Variants in BAZ2B observed in about 807,000 individuals in gnomAD.
BAZ2B encodes the protein bromodomain adjacent to zinc finger domain protein 2B.
In BAZ2B, 91 loss-of-function variants were observed where a neutral mutation model predicts 246.0. The observed-to-expected ratio is 0.37, with a 90% CI of 0.31 to 0.44. BAZ2B has a LOEUF of 0.44. BAZ2B is among the 20% of genes least tolerant of loss of function. BAZ2B has a pLI of 1.00. For missense variants in BAZ2B, 2,332 were observed against 2,533.7 expected (o/e 0.92, Z 1.71); for synonymous variants, 855 against 860.0 (o/e 0.99, Z 0.10).
chr2:159,455,762 GGTTTTTTTTT>G (rs1159426808), intron 3 of BAZ2B, among the ~76,000 whole-genome samples: 18 of 97,124 alleles, frequency 1.9e-4, no homozygotes, highest in Non-Finnish European at 2.4e-4. Context: ...GAAATATTGT[GGTTTTTTTTT>G]TTTTTTTTTT....
chr2:159,544,653 T>A (rs898119284), intron 2 of BAZ2B, among the ~76,000 whole-genome samples: 4 of 152,080 alleles, frequency 2.6e-5, no homozygotes, highest in Non-Finnish European at 4.4e-5. Context: ...CAGATAAAGA[T>A]CAAATGTTGG....
At chr2:159,596,655 G>A (rs1372783463) in intron 1 of BAZ2B, among the ~76,000 whole-genome samples, 5 of 152,130 alleles carry the variant, frequency 3.3e-5, no homozygotes, top group Admixed American at 2.6e-4. Flanking sequence ...CATACAATTT[G>A]TAATCTTTTA....
intron 30 of BAZ2B, among the ~76,000 whole-genome samples, chr2:159,348,225 C>A (rs2058168087): frequency 6.9e-6 from 1 of 144,496 alleles, no homozygotes. Context: ...AAGGCTGAGG[C>A]AGGAAGATTG....
the BAZ2B span, among the ~76,000 whole-genome samples, chr2:159,653,786 T>C: frequency 6.6e-6 from 1 of 152,158 alleles, no homozygotes; most frequent in Non-Finnish European, 1.5e-5. Context: ...TAATAAAAGA[T>C]TTAACATGAA....
intron 27 of BAZ2B, among the ~76,000 whole-genome samples, chr2:159,352,451 A>G (rs1280121632): frequency 6.6e-6 from 1 of 151,270 alleles, no homozygotes; most frequent in Non-Finnish European, 1.5e-5. Flanking sequence ...ATTTAAATCA[A>G]CAAGCTCTGT....
chr2:159,437,018 A>G (rs12624147), intron 8 of BAZ2B, among the ~76,000 whole-genome samples: 50,335 of 152,086 alleles, frequency 0.33, 9,910 homozygotes, highest in Non-Finnish European at 0.47. Flanking sequence ...TAAATGTCTA[A>G]TTTTATCATC....
chr2:159,686,955 T>C, the BAZ2B span, among the ~76,000 whole-genome samples: 1 of 145,002 alleles, frequency 6.9e-6, no homozygotes, highest in African/African-American at 2.6e-5. Context: ...GGCAGGAGAA[T>C]GGCGTCAACC....
chr2:159,541,853 G>T (rs1345600080), intron 2 of BAZ2B, among the ~76,000 whole-genome samples: 1 of 152,076 alleles, frequency 6.6e-6, no homozygotes. Context: ...TTATAGGCAG[G>T]TTTACTAGCA....
At chr2:159,481,425 A>T (rs971487380) in intron 2 of BAZ2B, among the ~76,000 whole-genome samples, 14 of 150,822 alleles carry the variant, frequency 9.3e-5, no homozygotes, top group African/African-American at 4.8e-5. Flanking sequence ...TATAATAAAA[A>T]ATATATATAT....
chr2:159,420,085 C>T (rs2068461810), intron 13 of BAZ2B, among the ~76,000 whole-genome samples: 1 of 152,210 alleles, frequency 6.6e-6, no homozygotes, highest in Admixed American at 6.5e-5. Context: ...TTTTATCTTC[C>T]TCAGAGAATA....
At chr2:159,559,858 A>G (rs1006446535) in intron 1 of BAZ2B, among the ~76,000 whole-genome samples, 1 of 152,222 alleles carries the variant, frequency 6.6e-6, no homozygotes, top group Admixed American at 6.5e-5. Context: ...TTATGAAAAC[A>G]TAATTCAACT....
chr2:159,659,126 G>A, the BAZ2B span, among the ~76,000 whole-genome samples: 1 of 152,138 alleles, frequency 6.6e-6, no homozygotes, highest in African/African-American at 2.4e-5. Context: ...TAGAGAATTT[G>A]TATAATTTCT....
chr2:159,438,162 C>T, intron 8 of BAZ2B, 141 bp downstream of exon 8: 2 of 775,454 alleles, frequency 2.6e-6, no homozygotes, highest in South Asian at 1.9e-5. Flanking sequence ...TAGTTTTCTG[C>T]TGTACATATT....
chr2:159,510,645 A>G (rs1051880594), intron 2 of BAZ2B, among the ~76,000 whole-genome samples: 1 of 152,248 alleles, frequency 6.6e-6, no homozygotes, highest in African/African-American at 2.4e-5. Context: ...TGCAATGTAA[A>G]AAAAATGTAA....
At chr2:159,531,417 ATT>A (rs1419043969) in intron 2 of BAZ2B, among the ~76,000 whole-genome samples, 29 of 152,206 alleles carry the variant, frequency 1.9e-4, no homozygotes, top group Non-Finnish European at 3.8e-4. Context: ...AGAAATGCAC[ATT>A]CTCTTAAAAG....
intron 13 of BAZ2B, among the ~76,000 whole-genome samples, chr2:159,415,370 AG>A (rs2067507976): frequency 7.1e-6 from 1 of 141,430 alleles, no homozygotes; most frequent in Non-Finnish European, 1.5e-5. Context: ...GCTTGAACCC[AG>A]GGGGTGGAGG....
intron 1 of BAZ2B, among the ~76,000 whole-genome samples, chr2:159,571,344 G>A (rs1683963820): frequency 6.6e-6 from 1 of 152,130 alleles, no homozygotes; most frequent in South Asian, 2.1e-4. Context: ...AGGATGTGTA[G>A]ATATATTTTC....
At chr2:159,407,046 G>T (rs974905349) in intron 14 of BAZ2B, among the ~76,000 whole-genome samples, 4 of 151,966 alleles carry the variant, frequency 2.6e-5, no homozygotes, top group Non-Finnish European at 4.4e-5. Context: ...GAGCCAGCGT[G>T]CCCGGCCTGT....
rs760573669 is a variant in BAZ2B at position 159,395,795 on chromosome 2, C to T, written c.3049G>A (p.Ala1017Thr). The T allele has an allele frequency of 6.2e-7, 1 of 1,611,848 alleles. No individual in the cohort carries two copies. Among genetic ancestry groups the T allele is most frequent in the African/African-American group, 1.3e-5 (1 of 74,960 alleles). ...TCTGCTTTTTTACGAGCTTCCATAG[C>T]TTTCATAAGCATCATGTGTTGTCGC... ...RRRQHMMLMK[A>T]MEARKKAEEK... Residue 1017 changes from alanine (A) to threonine (T), a missense_variant, in exon 20 of 37, where the codon GCT becomes ACT. Ala to Thr is a moderately conservative substitution (Grantham distance 58). Transcript: ENST00000392783.
Sources: gnomAD v4.1 joint callset for allele counts (sites outside exome capture counted in the v4.1 genomes callset) on GRCh38, gnomAD v4.1.1 for gene constraint, MANE v1.5 for transcripts, NCBI Gene and HGNC (gene_info 2026-07-23, HGNC 2026-07-21) for gene names.